Variants in AGMO observed in about 807,000 individuals in gnomAD.
The protein encoded by AGMO is glyceryl-ether monooxygenase.
In AGMO, 75 loss-of-function variants were observed where a neutral mutation model predicts 60.2. The ratio of observed to expected loss-of-function variants is 1.25; its 90% CI spans 1.03 to 1.51. The LOEUF is 1.51. Ranked by LOEUF, AGMO falls within the 40% of genes most tolerant of loss-of-function variation. The pLI is 0.00. For synonymous variants in AGMO, 261 were observed against 177.1 expected (o/e 1.47, Z -3.76); for missense variants, 763 against 525.5 (o/e 1.45, Z -4.42).
intron 12 of AGMO, among the ~76,000 whole-genome samples, chr7:15,273,308 G>C (rs1017735244): frequency 6.6e-6 from 1 of 152,134 alleles, no homozygotes; most frequent in Non-Finnish European, 1.5e-5. Flanking sequence ...TTCTGCATAA[G>C]GTGTAAGGAA....
At chr7:15,392,288 T>C (rs544495177) in intron 6 of AGMO, among the ~76,000 whole-genome samples, 6 of 146,434 alleles carry the variant, frequency 4.1e-5, no homozygotes, top group Admixed American at 6.8e-5. Context: ...CTAGCCAGGA[T>C]GGTGTCTTAT....
chr7:15,384,652 G>T (rs1386587665), intron 10 of AGMO, among the ~76,000 whole-genome samples: 2 of 151,862 alleles, frequency 1.3e-5, no homozygotes, highest in African/African-American at 4.8e-5. Flanking sequence ...TACTTTATTG[G>T]TAACAAGGTA....
chr7:15,476,903 G>T lies in AGMO; in HGVS notation c.410-45795C>A, dbSNP rs367963171. Among the ~76,000 whole-genome samples the T allele has an allele frequency of 7.2e-5, 11 of 152,190 alleles. No individual in the cohort carries two copies. In the South Asian group the frequency reaches 1.4e-3, roughly 20 times the overall value. On this transcript the variant is annotated intron_variant, in intron 3 of 12. Transcript: ENST00000342526. ...ACAGAGATGGTTAAATGATATAAAT[G>T]AAATACCTTGCTTGCTAGTTGATCT...
intron 10 of AGMO, among the ~76,000 whole-genome samples, chr7:15,369,255 A>G (rs372223017): frequency 3.3e-5 from 5 of 152,162 alleles, no homozygotes; most frequent in East Asian, 1.9e-4. Context: ...CTGTCCACCT[A>G]CCACAGCCCC....
chr7:15,504,956 A>T (rs1310238346), intron 3 of AGMO, among the ~76,000 whole-genome samples: 1 of 151,948 alleles, frequency 6.6e-6, no homozygotes, highest in Non-Finnish European at 1.5e-5. Context: ...AAATATCATC[A>T]GTAATCATTC....
intron 12 of AGMO, among the ~76,000 whole-genome samples, chr7:15,291,155 G>A (rs552881158): frequency 1.1e-4 from 16 of 151,966 alleles, no homozygotes; most frequent in Non-Finnish European, 1.8e-4. Flanking sequence ...TGCACATTAC[G>A]TTTCTTATGG....
chr7:15,174,150 G>A, the AGMO span, among the ~76,000 whole-genome samples: 1 of 151,758 alleles, frequency 6.6e-6, no homozygotes, highest in African/African-American at 2.4e-5. Flanking sequence ...TGTATTTCTT[G>A]AATGTCTGAT....
chr7:15,340,632 G>A (rs1781813689), intron 12 of AGMO, among the ~76,000 whole-genome samples: 1 of 152,196 alleles, frequency 6.6e-6, no homozygotes, highest in Non-Finnish European at 1.5e-5. Context: ...CCAGCCCCAA[G>A]CCTTGGCAGC....
At chr7:15,196,025 C>T (rs1781107677), downstream of AGMO, among the ~76,000 whole-genome samples, 1 of 151,326 alleles carries the variant, frequency 6.6e-6, no homozygotes, top group African/African-American at 2.4e-5. Context: ...CTTTTCTTTT[C>T]TTTCCCCCTC....
chr7:15,224,056 G>C (rs990640630), intron 12 of AGMO, among the ~76,000 whole-genome samples: 1 of 151,892 alleles, frequency 6.6e-6, no homozygotes, highest in Non-Finnish European at 1.5e-5. Flanking sequence ...TTATATGTGG[G>C]TAAAAAGAAT....
intron 12 of AGMO, among the ~76,000 whole-genome samples, chr7:15,264,908 C>T (rs544114807): frequency 3.9e-5 from 6 of 152,062 alleles, no homozygotes; most frequent in Admixed American, 6.6e-5. Context: ...AACTACCATT[C>T]AACCCAGCAA....
chr7:15,369,372 C>G (rs1414200630), intron 10 of AGMO, among the ~76,000 whole-genome samples: 1 of 152,094 alleles, frequency 6.6e-6, no homozygotes, highest in African/African-American at 2.4e-5. Context: ...AGTCATCACT[C>G]TAGCCCAAAT....
chr7:15,332,574 C>T (rs1467661315), intron 12 of AGMO, among the ~76,000 whole-genome samples: 1 of 152,050 alleles, frequency 6.6e-6, no homozygotes, highest in Non-Finnish European at 1.5e-5. Context: ...ACCTGACAAC[C>T]TGATTTTCCC....
chr7:15,308,500 G>GTTGTCTCATTTGCTTGTA (rs1780678284), intron 12 of AGMO, among the ~76,000 whole-genome samples: 1 of 151,998 alleles, frequency 6.6e-6, no homozygotes, highest in African/African-American at 2.4e-5. Flanking sequence ...GTAACTGTTT[G>GTTGTCTCATTTGCTTGTA]TTGTCTCATT....
chr7:15,233,827 G>A (rs1431171413), intron 12 of AGMO, among the ~76,000 whole-genome samples: 2 of 148,932 alleles, frequency 1.3e-5, no homozygotes, highest in Non-Finnish European at 2.9e-5. Context: ...TGAGGCGCGT[G>A]GATCACGAGG....
At chr7:15,553,953 G>C (rs1435394665) in intron 2 of AGMO, among the ~76,000 whole-genome samples, 1 of 152,054 alleles carries the variant, frequency 6.6e-6, no homozygotes, top group African/African-American at 2.4e-5. Context: ...AAAGAAAGAG[G>C]GGAGAAGCTG....
chr7:15,332,207 G>T (rs899538863), intron 12 of AGMO, among the ~76,000 whole-genome samples: 1 of 152,112 alleles, frequency 6.6e-6, no homozygotes, highest in African/African-American at 2.4e-5. Flanking sequence ...ATCTGCTACA[G>T]TAAGTATTGT....
intron 12 of AGMO, among the ~76,000 whole-genome samples, chr7:15,276,479 G>T (rs904365009): frequency 1.3e-5 from 2 of 151,750 alleles, no homozygotes; most frequent in African/African-American, 4.8e-5. Flanking sequence ...TTTTCTTTCA[G>T]GTTGACTTTG....
chr7:15,233,331 T>C (rs10256850), intron 12 of AGMO, among the ~76,000 whole-genome samples: 15,008 of 152,178 alleles, frequency 0.099, 887 homozygotes, highest in South Asian at 0.2. Context: ...GATTGGGTAT[T>C]AGGAACCACA....
Sources: allele counts gnomAD v4.1 joint callset (sites outside exome capture counted in the v4.1 genomes callset), GRCh38; gene constraint gnomAD v4.1.1; transcripts MANE v1.5; gene names NCBI Gene and HGNC (gene_info 2026-07-23, HGNC 2026-07-21).